Variants in ELP1 observed in about 807,000 individuals in gnomAD.
The protein encoded by ELP1 is elongator complex protein 1.
Under a neutral mutation model 183.2 loss-of-function variants are expected in ELP1, and 131 were observed. The observed-to-expected ratio is 0.72, with a 90% confidence interval of 0.62 to 0.83. The LOEUF (loss-of-function observed/expected upper bound fraction) is 0.83, where lower values mean the gene tolerates loss of function less well. Among genes scored for constraint, ELP1 ranks in the 40% least tolerant of loss-of-function variants. The pLI is 0.00. For synonymous variants in ELP1, 555 were observed against 569.0 expected (o/e 0.98, Z 0.35); for missense variants, 1,550 against 1,594.9 (o/e 0.97, Z 0.48).
intron 36 of ELP1, among the ~76,000 whole-genome samples, chr9:108,874,011 A>G (rs906942410): frequency 6.6e-6 from 1 of 152,226 alleles, no homozygotes; most frequent in African/African-American, 2.4e-5. Flanking sequence ...GATGGAAGGT[A>G]GCTGTTCTTC....
chr9:108,929,655 A>C (rs2132049617), intron 3 of ELP1, 114 bp downstream of exon 3: 7 of 1,073,676 alleles, frequency 6.5e-6, no homozygotes, highest in Non-Finnish European at 8.4e-6. Context: ...TAATGCAAAA[A>C]TTAATTAGCA....
chr9:108,881,790 T>C, intron 30 of ELP1, 25 bp from the exon 31 acceptor site: 2 of 1,365,820 alleles, frequency 1.5e-6, no homozygotes, highest in Non-Finnish European at 2.1e-6. Context: ...ACAATAATTT[T>C]AGGAAGGAAA....
chr9:108,869,311 C>T, intron 36 of ELP1, 129 bp from the exon 37 acceptor site: 1 of 799,756 alleles, frequency 1.3e-6, no homozygotes, highest in South Asian at 1.4e-5. Context: ...AGCCAGAGTT[C>T]ATGTGTCTGC....
chr9:108,919,425 G>C (rs1829564280), intron 6 of ELP1, 76 bp from the exon 7 acceptor site: 2 of 942,472 alleles, frequency 2.1e-6, no homozygotes, highest in African/African-American at 1.6e-5. Flanking sequence ...CAGACCACTA[G>C]ATACAGATGT....
chr9:108,931,390 A>T (rs1830000030), intron 1 of ELP1, among the ~76,000 whole-genome samples, 189 bp from the exon 2 acceptor site: 1 of 152,220 alleles, frequency 6.6e-6, no homozygotes, highest in Non-Finnish European at 1.5e-5. Context: ...TATGGTCTAC[A>T]AATTAGGAAT....
chr9:108,909,098 C>T (rs1277480302), intron 12 of ELP1, among the ~76,000 whole-genome samples: 1 of 152,118 alleles, frequency 6.6e-6, no homozygotes, highest in Non-Finnish European at 1.5e-5. Flanking sequence ...GTGATTCTCA[C>T]CAGGTCTCTG....
At position 108,889,318 on chromosome 9, in the gene ELP1, G is replaced by A. The variant is rs374787755; in HGVS notation, c.3222+14C>T. 503 of 1,612,364 alleles carry A rather than the reference G, an allele frequency of 3.1e-4. 3 individuals carry two copies. In the South Asian group the frequency reaches 3.2e-3, roughly 10 times the overall value. On this transcript the variant is annotated intron_variant, in intron 29 of 36. Coordinates refer to ENST00000374647, the MANE Select transcript of ELP1 (RefSeq NM_003640.5). ...TGCTGACTGGGGGGTTTAGAAGGGA[G>A]GAATTGAGTTTACCTGGGCACACTC...
chr9:108,893,122 A>G (rs773027068), intron 26 of ELP1, 39 bp from the exon 27 acceptor site: 1 of 1,424,606 alleles, frequency 7.0e-7, no homozygotes, highest in African/African-American at 1.4e-5. Flanking sequence ...GGCTTAAGAC[A>G]TGGGAAGCAT....
chr9:108,914,398 C>CA (rs1288308725), intron 10 of ELP1, among the ~76,000 whole-genome samples: 873 of 28,594 alleles, frequency 0.031, 10 homozygotes, highest in Non-Finnish European at 0.04. Flanking sequence ...ACTCCGTCTC[C>CA]AAAAAAAAAA....
chr9:108,903,039 C>A, intron 15 of ELP1, 97 bp from the exon 16 acceptor site: 2 of 798,984 alleles, frequency 2.5e-6, no homozygotes, highest in South Asian at 1.5e-5. Context: ...CATGCAATTT[C>A]AATCACTTTT....
intron 36 of ELP1, among the ~76,000 whole-genome samples, chr9:108,870,381 T>C (rs1827403582): frequency 1.3e-5 from 2 of 152,242 alleles, no homozygotes; most frequent in South Asian, 2.1e-4. Flanking sequence ...ATGTATTATA[T>C]ACTACATTCC....
In ELP1 at chr9:108,929,937, A is replaced by T. The variant is rs374246294; in HGVS notation, c.151-16T>A. ...CATTTTTCACCTTTCACCAAAGTAAACACAAGCAAATTAACCCAGTCTACT... is the reference window on the plus strand; with the variant it reads ...CATTTTTCACCTTTCACCAAAGTAATCACAAGCAAATTAACCCAGTCTACT... On this transcript the variant is annotated splice_polypyrimidine_tract_variant and intron_variant, in intron 2 of 36. Coordinates refer to ENST00000374647, the MANE Select transcript of ELP1 (RefSeq NM_003640.5). 3.7e-6 allele frequency: 6 copies of T among 1,612,784 alleles called. No homozygotes were observed. The African/African-American group carries it at 8.0e-5, about 22-fold the overall frequency.
In ELP1 at chr9:108,879,554, T is replaced by C. The variant is rs1331526630; in HGVS notation, c.3464A>G (p.Asp1155Gly). ...TGACTCTTGCCCGTGGGGTACCTCA[T>C]CATCTAGAAAAGAAGAACCAGAAGC... ...KEQAQQAGLD[D>G]EVPHGQESDL... Residue 1155 changes from aspartate to glycine, a missense_variant, in exon 33 of 37, where the codon GAT becomes GGT. Asp to Gly is a moderately conservative substitution (Grantham distance 94). Coordinates refer to ENST00000374647, the MANE Select transcript of ELP1 (RefSeq NM_003640.5). 1 of 1,611,446 alleles carries C rather than the reference T, an allele frequency of 6.2e-7. No individual in the cohort carries two copies. The highest frequency in any genetic ancestry group is 8.5e-7 in the Non-Finnish European group (1 of 1,177,662).
At chr9:108,882,209 G>C (rs1554692209) in intron 29 of ELP1, 22 bp from the exon 30 acceptor site, 1 of 1,607,542 alleles carries the variant, frequency 6.2e-7, no homozygotes, top group Admixed American at 1.7e-5. Context: ...ACAGGAAGAA[G>C]ACAACAAGTG....
chr9:108,893,434 A>T (rs544322945), intron 26 of ELP1, among the ~76,000 whole-genome samples: 15 of 152,310 alleles, frequency 9.8e-5, no homozygotes, highest in Non-Finnish European at 1.6e-4. Context: ...GGATGCCAGC[A>T]GCTGAAGGCT....
In ELP1 at chr9:108,884,017, C is replaced by T. The variant is rs572757148; in HGVS notation, c.3223-1830G>A. On this transcript the variant is annotated intron_variant, in intron 29 of 36. Coordinates refer to ENST00000374647, the MANE Select transcript of ELP1 (RefSeq NM_003640.5). ...ATTAGATTTAAAAAAAAAAAAGAAC[C>T]AATAATGCTATCAACAAGGAACGCA... Among the ~76,000 whole-genome samples the T allele has an allele frequency of 7.0e-4, 104 of 149,136 alleles. 3 individuals are homozygous for T. The South Asian group carries it at 0.021, about 31-fold the overall frequency.
At chr9:108,898,640 A>C (rs371940203) in intron 21 of ELP1, 31 bp downstream of exon 21, 1 of 1,601,308 alleles carries the variant, frequency 6.2e-7, no homozygotes, top group African/African-American at 1.3e-5. Flanking sequence ...GTACAAAGTA[A>C]GCTAGAGTAA....
chr9:108,882,163 G>C lies in ELP1; in HGVS notation c.3247C>G (p.Leu1083Val), dbSNP rs1416245963. The change falls in exon 30 of 37, where the codon CTG (leucine) becomes GTG (valine). Residue 1083 changes from leucine to valine, a missense_variant. Transcript: ENST00000374647. ...AQDYEEAVLL[L>V]LEGAAWEEAL... is the part of the protein sequence containing the mutation. ...TCTTCCCAGGCAGCTCCTTCTAACAGCAAGAGCACAGCTTCTTCATAATCC... is the reference window on the plus strand; with the variant it reads ...TCTTCCCAGGCAGCTCCTTCTAACACCAAGAGCACAGCTTCTTCATAATCC... The C allele has an allele frequency of 6.2e-7, 1 of 1,613,412 alleles. No individual in the cohort carries two copies. The highest frequency in any genetic ancestry group is 8.5e-7 in the Non-Finnish European group (1 of 1,179,850).
At chr9:108,919,500 T>C in intron 6 of ELP1, 151 bp from the exon 7 acceptor site, 2 of 547,554 alleles carry the variant, frequency 3.7e-6, no homozygotes, top group Non-Finnish European at 6.7e-6. Flanking sequence ...CAAGGGTTGG[T>C]TCTTAGAACG....
Sources: allele counts gnomAD v4.1 joint callset (sites outside exome capture counted in the v4.1 genomes callset), GRCh38; gene constraint gnomAD v4.1.1; transcripts MANE v1.5; gene names NCBI Gene and HGNC (gene_info 2026-07-23, HGNC 2026-07-21).